Variants in OSBPL5 observed in about 807,000 individuals in gnomAD.
The protein encoded by OSBPL5 is oxysterol-binding protein-related protein 5.
OSBPL5 carries 71 observed loss-of-function variants against 111.2 expected under a neutral mutation model. The ratio of observed to expected loss-of-function variants is 0.64; its 90% CI spans 0.53 to 0.78. The LOEUF (loss-of-function observed/expected upper bound fraction) is 0.78, where lower values mean the gene tolerates loss of function less well. Ranked by LOEUF, OSBPL5 falls within the 30% of genes least tolerant of loss-of-function variation. The pLI, the probability that OSBPL5 is intolerant of heterozygous loss-of-function variation, is 0.00. For missense variants in OSBPL5, 1,210 were observed against 1,189.3 expected (o/e 1.02, Z -0.26); for synonymous variants, 549 against 513.9 (o/e 1.07, Z -0.93).
At chr11:3,144,150 A>T (rs951978773) in intron 1 of OSBPL5, among the ~76,000 whole-genome samples, 2 of 152,182 alleles carry the variant, frequency 1.3e-5, no homozygotes, top group Non-Finnish European at 2.9e-5. Flanking sequence ...AGCAGGCTGC[A>T]TCAGGACAGA....
At chr11:3,101,799 G>A (rs1203345997) in intron 12 of OSBPL5, 100 bp from the exon 13 acceptor site, 13 of 941,880 alleles carry the variant, frequency 1.4e-5, no homozygotes, top group South Asian at 4.4e-5. Flanking sequence ...TGTCCCTGAC[G>A]CCACATCTTC....
At chr11:3,153,141 C>T (rs748339751) in intron 1 of OSBPL5, among the ~76,000 whole-genome samples, 39 of 152,042 alleles carry the variant, frequency 2.6e-4, no homozygotes, top group Non-Finnish European at 4.1e-4. Flanking sequence ...TGTCATGTAG[C>T]GGTGGGTGAC....
rs144743928 is a variant in OSBPL5, at chr11:3,107,380, G to A, written c.942C>T (p.Thr314=). The change falls in exon 9 of 22, where the codon ACC becomes ACT. Residue 314 remains threonine, a synonymous_variant. Coordinates refer to ENST00000263650, the MANE Select transcript of OSBPL5 (RefSeq NM_020896.4). This position sits in a 1 kb window ranked among gnomAD's most constrained non-coding sequence, Gnocchi z 6.1. ...TCTTCCGGCTATGGTCCTGGGTCTC[G>A]GTATCTGACTCCTCAGGGTTCTCTC... ...SERENPEESD[T]ETQDHSRKTE... The A allele has an allele frequency of 2.6e-5, 42 of 1,613,902 alleles. No individual in the cohort carries two copies. The highest frequency in any genetic ancestry group is 3.1e-5 in the Non-Finnish European group (36 of 1,180,004).
intron 7 of OSBPL5, among the ~76,000 whole-genome samples, chr11:3,108,156 A>G (rs1346766961): frequency 6.6e-6 from 1 of 152,064 alleles, no homozygotes; most frequent in African/African-American, 2.4e-5. Context: ...AGACATCGGG[A>G]ACCCCTGAGG....
chr11:3,112,965 A>AT (rs1208312005), intron 7 of OSBPL5, among the ~76,000 whole-genome samples: 1 of 152,192 alleles, frequency 6.6e-6, no homozygotes, highest in Non-Finnish European at 1.5e-5. Flanking sequence ...GGAAAAAAAA[A>AT]TTTTTATAAA....
chr11:3,160,898 C>G (rs535426677), intron 1 of OSBPL5: 1 of 152,208 alleles, frequency 6.6e-6, no homozygotes, highest in Non-Finnish European at 1.5e-5. Context: ...CCGCCTTGCT[C>G]AGAAGCACAG....
At position 3,131,699 on chromosome 11, in the gene OSBPL5, TATCC is replaced by T. The variant is rs796941353; in HGVS notation, c.-21-2534_-21-2531del. On this transcript the variant is annotated intron_variant, in intron 1 of 21. Coordinates refer to ENST00000263650, the MANE Select transcript of OSBPL5 (RefSeq NM_020896.4). ...CCATCCACCCACCCACCCATTCATC[TATCC>T]ATCCATCCATCCATCCATCCATCCA... Among the ~76,000 whole-genome samples, 352 of 79,114 alleles carry T rather than the reference TATCC, an allele frequency of 4.4e-3. 1 individual carries two copies. The highest frequency in any genetic ancestry group is 0.015 in the South Asian group (32 of 2,106). The allele number at this position is 79,114 out of a possible 152,430, so 51.9% of individuals were successfully genotyped here.
At position 3,092,265 on chromosome 11, in the gene OSBPL5, C is replaced by T. The variant is rs892628124; in HGVS notation, c.2259+167G>A. On this transcript the variant is annotated intron_variant, in intron 19 of 21. Coordinates refer to ENST00000263650, the MANE Select transcript of OSBPL5 (RefSeq NM_020896.4). The surrounding 1 kb of genome is among the most constrained non-coding windows in gnomAD (Gnocchi z 5.4). ...TGAGCATCCTGCAAATCCCGGTTTCCTGAGTCCCATGCTCGGCAGAGAAGG... is the reference window on the plus strand; with the variant it reads ...TGAGCATCCTGCAAATCCCGGTTTCTTGAGTCCCATGCTCGGCAGAGAAGG... 6.6e-6 allele frequency among the ~76,000 whole-genome samples: 1 copy of T among 152,142 alleles called. No homozygotes were observed. The highest frequency in any genetic ancestry group is 1.5e-5 in the Non-Finnish European group (1 of 68,022).
At chr11:3,143,887 TG>T (rs1846238174) in intron 1 of OSBPL5, among the ~76,000 whole-genome samples, 2 of 152,192 alleles carry the variant, frequency 1.3e-5, no homozygotes, top group South Asian at 4.1e-4. Context: ...GCACCCGGGC[TG>T]CAGTGCACAG....
chr11:3,150,011 C>T (rs919462476), intron 1 of OSBPL5, among the ~76,000 whole-genome samples: 1 of 152,212 alleles, frequency 6.6e-6, no homozygotes, highest in Non-Finnish European at 1.5e-5. Context: ...TGCATGCACA[C>T]ACATGCATAA....
chr11:3,122,787 C>T (rs1027154700), intron 3 of OSBPL5, among the ~76,000 whole-genome samples: 2 of 152,278 alleles, frequency 1.3e-5, no homozygotes, highest in Admixed American at 6.5e-5. Context: ...GAGGGACAGC[C>T]GTCTTTGAGG....
rs764430486 is a variant in OSBPL5, at chr11:3,119,663, G to A, written c.607-32C>T. On this transcript the variant is annotated intron_variant, in intron 6 of 21. Coordinates refer to ENST00000263650, the MANE Select transcript of OSBPL5 (RefSeq NM_020896.4). ...AGAGAGAGATCTGGGTGTCACCCGA[G>A]GCAACACCCAGGGCCAGCTGCACAG... The A allele has an allele frequency of 3.2e-6, 5 of 1,568,998 alleles. No homozygotes were observed. In the South Asian group the frequency reaches 5.9e-5, roughly 18 times the overall value.
At position 3,119,646 on chromosome 11, in the gene OSBPL5, AT is replaced by A. The variant is rs1858333058; in HGVS notation, c.607-16del. 4 of 1,577,280 alleles carry A rather than the reference AT, an allele frequency of 2.5e-6. No homozygotes were observed. The African/African-American group carries it at 5.6e-5, about 22-fold the overall frequency. On this transcript the variant is annotated splice_polypyrimidine_tract_variant and intron_variant, in intron 6 of 21. Coordinates refer to ENST00000263650, the MANE Select transcript of OSBPL5 (RefSeq NM_020896.4). Reference sequence around the variant, plus strand: ...CCTTTGGGGCCCTGGAGAGAGAGAGATCTGGGTGTCACCCGAGGCAACACCC... The same window carrying A: ...CCTTTGGGGCCCTGGAGAGAGAGAGACTGGGTGTCACCCGAGGCAACACCC...
intron 7 of OSBPL5, among the ~76,000 whole-genome samples, chr11:3,116,732 A>T (rs2134447620): frequency 6.6e-6 from 1 of 151,940 alleles, no homozygotes; most frequent in South Asian, 2.1e-4. Flanking sequence ...GCGGATGCCT[A>T]TAATCCCAGC....
At chr11:3,125,808 A>T (rs1268125309) in intron 3 of OSBPL5, among the ~76,000 whole-genome samples, 5 of 124,062 alleles carry the variant, frequency 4.0e-5, no homozygotes, top group East Asian at 2.4e-4. Flanking sequence ...CCGTCTCAAA[A>T]AAAAAAAAAA....
chr11:3,107,676 C>G lies in OSBPL5; in HGVS notation c.866+95G>C, dbSNP rs762123977. ...GTCCCTGCGTGCAGCCTGCAGCCCA[C>G]CAGAGCAGTGGCTGGGGCTGTCCTC... On this transcript the variant is annotated intron_variant, in intron 8 of 21. Coordinates refer to ENST00000263650, the MANE Select transcript of OSBPL5 (RefSeq NM_020896.4). The surrounding 1 kb of genome is among the most constrained non-coding windows in gnomAD (Gnocchi z 6.1). The G allele has an allele frequency of 6.7e-5, 102 of 1,511,794 alleles. No homozygotes were observed. Among genetic ancestry groups the G allele is most frequent in the Non-Finnish European group, 8.1e-5 (90 of 1,111,424 alleles). 93.6% of individuals were successfully genotyped at this position (1,511,794 alleles called of 1,614,324 possible). A position where few individuals can be genotyped will look rare whatever the true frequency, so the allele number is the denominator to read the frequency against.
intron 1 of OSBPL5, among the ~76,000 whole-genome samples, chr11:3,145,585 G>A (rs1471670382): frequency 6.6e-6 from 1 of 152,192 alleles, no homozygotes; most frequent in African/African-American, 2.4e-5. Context: ...ATCGGACCCG[G>A]CTGCAGTCCC....
rs1170944563 is a variant in OSBPL5, at chr11:3,107,578, A to G, written c.867-123T>C. On this transcript the variant is annotated intron_variant, in intron 8 of 21. Coordinates refer to ENST00000263650, the MANE Select transcript of OSBPL5 (RefSeq NM_020896.4). The surrounding 1 kb of genome is among the most constrained non-coding windows in gnomAD (Gnocchi z 6.1). ...GTTCCTGCCTGTCGTCACCTCCACA[A>G]CCCACATTTGACACGATCAGCCCCG... 6 of 1,373,810 alleles carry G rather than the reference A, an allele frequency of 4.4e-6. No homozygotes were observed. Among genetic ancestry groups the G allele is most frequent in the Admixed American group, 3.8e-5 (2 of 52,290 alleles). The allele number at this position is 1,373,810 out of a possible 1,614,324, so 85.1% of individuals were successfully genotyped here.
At chr11:3,128,349 C>T (rs1042207721) in intron 2 of OSBPL5, among the ~76,000 whole-genome samples, 5 of 152,204 alleles carry the variant, frequency 3.3e-5, no homozygotes, top group Admixed American at 6.5e-5. Context: ...CCTGCCCCTA[C>T]CTCCTACTCT....
Sources: allele counts gnomAD v4.1 joint callset (sites outside exome capture counted in the v4.1 genomes callset), GRCh38; gene constraint gnomAD v4.1.1; non-coding constraint Gnocchi (gnomAD v3.1); transcripts MANE v1.5; gene names NCBI Gene and HGNC (gene_info 2026-07-23, HGNC 2026-07-21).